The following SEMA4D variants were observed in gnomAD, a reference collection of about 807,000 sequenced individuals.
The protein encoded by SEMA4D is semaphorin-4D.
A neutral mutation model predicts 74.8 loss-of-function variants in SEMA4D; 22 were observed. The ratio of observed to expected loss-of-function variants is 0.29; its 90% CI spans 0.21 to 0.42. The LOEUF (loss-of-function observed/expected upper bound fraction) is 0.42. Ranked by LOEUF, SEMA4D falls within the 10% of genes least tolerant of loss-of-function variation. The pLI, the probability that SEMA4D is intolerant of heterozygous loss-of-function variation, is 1.00. For missense variants in SEMA4D, 937 were observed against 1,118.4 expected (o/e 0.84, Z 2.31); for synonymous variants, 445 against 463.7 (o/e 0.96, Z 0.52).
At chr9:89,370,060 GGTT>G (rs370665126) in intron 16 of SEMA4D, among the ~76,000 whole-genome samples, 1 of 151,670 alleles carries the variant, frequency 6.6e-6, no homozygotes, top group African/African-American at 2.4e-5. Flanking sequence ...ATGTGTGAGT[GGTT>G]GTGTTTGGTA....
exon 19 of SEMA4D, chr9:89,360,938 TC>T (rs1324886958): frequency 2.0e-5 from 3 of 152,180 alleles, no homozygotes; most frequent in Non-Finnish European, 2.9e-5. Flanking sequence ...GTGCTTGAAA[TC>T]CAGACTTCAG....
chr9:89,487,016 T>C (rs1825249589), intron 1 of SEMA4D, among the ~76,000 whole-genome samples: 1 of 152,034 alleles, frequency 6.6e-6, no homozygotes, highest in Admixed American at 6.5e-5. Flanking sequence ...CTCAAATCAT[T>C]GTGTGGGGCA....
At chr9:89,472,939 T>TA (rs952634077) in intron 1 of SEMA4D, among the ~76,000 whole-genome samples, 11 of 151,740 alleles carry the variant, frequency 7.2e-5, no homozygotes, top group African/African-American at 2.4e-4. Context: ...ATAAAAAATG[T>TA]AAAAAAATTA....
chr9:89,493,861 T>C (rs1825810091), intron 1 of SEMA4D, among the ~76,000 whole-genome samples: 1 of 152,214 alleles, frequency 6.6e-6, no homozygotes, highest in African/African-American at 2.4e-5. Flanking sequence ...CAACCAGCAA[T>C]GGGGACCCCT....
At chr9:89,390,201 C>G (rs917046655) in intron 9 of SEMA4D, among the ~76,000 whole-genome samples, 6 of 152,184 alleles carry the variant, frequency 3.9e-5, no homozygotes, top group African/African-American at 1.4e-4. Context: ...AGTCCCCTGG[C>G]CAGTGCTGCT....
intron 8 of SEMA4D, among the ~76,000 whole-genome samples, chr9:89,392,188 T>C (rs1208624132): frequency 6.6e-6 from 1 of 152,226 alleles, no homozygotes; most frequent in Non-Finnish European, 1.5e-5. Flanking sequence ...AAATCCATTT[T>C]TGGGGGGTTA....
At chr9:89,447,142 T>G (rs1435852360) in intron 2 of SEMA4D, among the ~76,000 whole-genome samples, 1 of 151,998 alleles carries the variant, frequency 6.6e-6, no homozygotes, top group African/African-American at 2.4e-5. Context: ...ACCCAAAAGT[T>G]TGTCTCTCCT....
At chr9:89,369,988 T>G (rs949255748) in intron 16 of SEMA4D, among the ~76,000 whole-genome samples, 1 of 151,862 alleles carries the variant, frequency 6.6e-6, no homozygotes, top group East Asian at 1.9e-4. Context: ...GTGGTGTGTG[T>G]GTAACAGTGG....
intron 13 of SEMA4D, chr9:89,384,659 AAAT>A: frequency 1.0e-6 from 1 of 985,450 alleles, no homozygotes; most frequent in African/African-American, 1.7e-5. Context: ...GTATTTACCA[AAAT>A]AAAAAGCAAA....
intron 2 of SEMA4D, among the ~76,000 whole-genome samples, chr9:89,438,117 G>A (rs1015210656): frequency 6.6e-6 from 1 of 152,242 alleles, no homozygotes; most frequent in Non-Finnish European, 1.5e-5. Context: ...CCTGGGGGCT[G>A]AGTGTGGAAG....
At chr9:89,474,492 C>T (rs1861276398) in intron 1 of SEMA4D, among the ~76,000 whole-genome samples, 1 of 152,204 alleles carries the variant, frequency 6.6e-6, no homozygotes, top group East Asian at 1.9e-4. Context: ...GCGTAAACTG[C>T]GTTTACATGA....
Position 89,484,962 on chromosome 9 carries a change from T to A in SEMA4D, c.-310+12957A>T, listed in dbSNP as rs1442612017. 3.3e-5 allele frequency among the ~76,000 whole-genome samples: 5 copies of A among 149,718 alleles called. No homozygotes were observed. Among genetic ancestry groups the A allele is most frequent in the South Asian group, 2.1e-4 (1 of 4,676 alleles). ...GTTTGGTGTGTGTGTACTGGGTGGGTGGTGGAGGCATATGTGTGTAGTATG... is the reference window on the plus strand; with the variant it reads ...GTTTGGTGTGTGTGTACTGGGTGGGAGGTGGAGGCATATGTGTGTAGTATG... On this transcript the variant is annotated intron_variant, in intron 1 of 15. Coordinates refer to ENST00000422704, the MANE Select transcript of SEMA4D (RefSeq NM_001371194.2). This position sits in a 1 kb window ranked among gnomAD's most constrained non-coding sequence, Gnocchi z 4.1.
rs1265310136 is a variant in SEMA4D, at chr9:89,396,784, G to T, written c.367C>A (p.Leu123Ile). The change falls in exon 6 of 16, where the codon CTT (leucine) becomes ATT (isoleucine). Residue 123 changes from leucine to isoleucine, a missense_variant. By Grantham distance (5) the Leu-to-Ile change is conservative. Transcript: ENST00000422704. ...RVLQPLSATS[L>I]YVCGTNAFQP... Reference sequence around the variant, plus strand: ...AATGCGTTGGTCCCACACACGTAAAGGGAAGTGGCGCTGAGTGGCTGCAGC... The same window carrying T: ...AATGCGTTGGTCCCACACACGTAAATGGAAGTGGCGCTGAGTGGCTGCAGC... 1 of 1,613,956 alleles carries T rather than the reference G, an allele frequency of 6.2e-7. No homozygotes were observed. Among genetic ancestry groups the T allele is most frequent in the Non-Finnish European group, 8.5e-7 (1 of 1,179,956 alleles).
At chr9:89,409,790 T>C (rs1051587446) in intron 2 of SEMA4D, among the ~76,000 whole-genome samples, 11 of 152,280 alleles carry the variant, frequency 7.2e-5, no homozygotes, top group Admixed American at 2.6e-4. Context: ...ATGGTTTACA[T>C]GGGATCTAAT....
At chr9:89,389,265 C>T (rs1013806332) in intron 9 of SEMA4D, among the ~76,000 whole-genome samples, 1 of 152,238 alleles carries the variant, frequency 6.6e-6, no homozygotes, top group Non-Finnish European at 1.5e-5. Context: ...TGGGTTAACA[C>T]ACAAAACAAA....
At chr9:89,486,979 A>G (rs1417430749) in intron 1 of SEMA4D, among the ~76,000 whole-genome samples, 2 of 152,144 alleles carry the variant, frequency 1.3e-5, no homozygotes, top group Non-Finnish European at 2.9e-5. Flanking sequence ...TACAAAGACT[A>G]TTCAAAAATA....
At chr9:89,471,492 A>G (rs1241868258) in intron 1 of SEMA4D, among the ~76,000 whole-genome samples, 3 of 152,162 alleles carry the variant, frequency 2.0e-5, no homozygotes, top group Non-Finnish European at 4.4e-5. Flanking sequence ...TCCCCACCAC[A>G]CTCTCCAGAT....
Position 89,422,892 on chromosome 9 carries a change from C to G in SEMA4D, c.-243-17193G>C, listed in dbSNP as rs566107621. On this transcript the variant is annotated intron_variant, in intron 2 of 15. Coordinates refer to ENST00000422704, the MANE Select transcript of SEMA4D (RefSeq NM_001371194.2). ...ATGAAATCTCTTAATAAAGTTAGTACAGAAGACACAAGTGCTGGGATCTTT... is the reference window on the plus strand; with the variant it reads ...ATGAAATCTCTTAATAAAGTTAGTAGAGAAGACACAAGTGCTGGGATCTTT... Among the ~76,000 whole-genome samples, 32 of 152,322 alleles carry G rather than the reference C, an allele frequency of 2.1e-4. No homozygotes were observed. The South Asian group carries it at 6.4e-3, about 31-fold the overall frequency.
At chr9:89,450,714 C>A in intron 2 of SEMA4D, 1 of 1,251,896 alleles carries the variant, frequency 8.0e-7, no homozygotes, top group Non-Finnish European at 1.1e-6. Context: ...GAGAATGCCA[C>A]CAGTGGGGAA....
Sources: allele counts gnomAD v4.1 joint callset (sites outside exome capture counted in the v4.1 genomes callset), GRCh38; gene constraint gnomAD v4.1.1; non-coding constraint Gnocchi (gnomAD v3.1); transcripts MANE v1.5; gene names NCBI Gene and HGNC (gene_info 2026-07-23, HGNC 2026-07-21).